MUC12: variants seen among roughly 807,000 people sequenced by gnomAD.
MUC12 encodes the protein mucin-12.
MUC12 carries 172 observed loss-of-function variants against 230.8 expected under a neutral mutation model. The ratio of observed to expected loss-of-function variants is 0.75; its 90% CI spans 0.66 to 0.85. The LOEUF is 0.85. Among genes scored for constraint, MUC12 ranks in the 40% least tolerant of loss-of-function variants. The pLI is 0.00. For synonymous variants in MUC12, 1,259 were observed against 2,401.9 expected (o/e 0.52, Z 13.91); for missense variants, 3,506 against 5,920.6 (o/e 0.59, Z 13.38).
chr7:100,987,767 G>A (rs1793216724), intron 1 of MUC12, among the ~76,000 whole-genome samples: 1 of 152,114 alleles, frequency 6.6e-6, no homozygotes, highest in Admixed American at 6.5e-5. Flanking sequence ...GAGGTCAGGA[G>A]TTTGAGACCA....
intron 3 of MUC12, among the ~76,000 whole-genome samples, chr7:101,007,613 T>C (rs985059486): frequency 1.2e-4 from 18 of 152,222 alleles, no homozygotes; most frequent in African/African-American, 2.7e-4. Context: ...TAGTACTCCA[T>C]TGTGTATATG....
intron 1 of MUC12, among the ~76,000 whole-genome samples, chr7:100,971,575 A>G (rs1792899251): frequency 6.6e-6 from 1 of 152,300 alleles, no homozygotes; most frequent in South Asian, 2.1e-4. Flanking sequence ...CCACCCGGAC[A>G]TGTTGGGAGA....
Position 100,992,254 on chromosome 7 carries a change from C to T in MUC12, c.1691C>T (p.Ser564Phe), listed in dbSNP as rs35240454. The T allele has an allele frequency of 0.13, 192,676 of 1,509,202 alleles. 14,993 individuals carry two copies. The highest frequency in any genetic ancestry group is 0.2 in the African/African-American group (14,523 of 72,510). 93.5% of individuals were successfully genotyped at this position (1,509,202 alleles called of 1,614,324 possible). A position where few individuals can be genotyped will look rare whatever the true frequency, so the allele number is the denominator to read the frequency against. ...SSPGPTDTTL[S>F]PGSTTASSLG... ...CCAGGCCCCACAGACACAACATTGT[C>T]CCCTGGCAGTACCACAGCATCATCC... Residue 564 changes from serine (S) to phenylalanine (F), a missense_variant, in exon 2 of 12, where the codon TCC (serine) becomes TTC (phenylalanine). Transcript: ENST00000536621.
intron 11 of MUC12, among the ~76,000 whole-genome samples, 154 bp from the exon 12 acceptor site, chr7:101,018,441 A>AGGG (rs1793990332): frequency 2.2e-4 from 1 of 4,634 alleles, no homozygotes; most frequent in African/African-American, 1.0e-3. Flanking sequence ...CTCCCCCGCC[A>AGGG]CTCCCTCCTC....
intron 1 of MUC12, 123 bp from the exon 2 acceptor site, chr7:100,990,508 G>C (rs892996909): frequency 8.3e-7 from 1 of 1,208,016 alleles, no homozygotes; most frequent in East Asian, 2.6e-5. Flanking sequence ...AGGGAAACTT[G>C]AGTTTCAATA....
intron 2 of MUC12, among the ~76,000 whole-genome samples, chr7:101,006,091 C>T (rs1793745357): frequency 6.6e-6 from 1 of 152,184 alleles, no homozygotes; most frequent in African/African-American, 2.4e-5. Flanking sequence ...AGCCACCGCG[C>T]CGGGCCTCCT....
rs751381389 is a variant in MUC12 at position 101,006,512 on chromosome 7, G to A, written c.14998G>A (p.Val5000Ile). 28 of 1,537,072 alleles carry A rather than the reference G, an allele frequency of 1.8e-5. No homozygotes were observed. The highest frequency in any genetic ancestry group is 6.8e-5 in the African/African-American group (5 of 73,014). ...EGQIWNGKQC[V>I]CPQGYVGYQC... ...ACAAATTTGGAATGGAAAACAATGC[G>A]TCTGTCCCCAAGGCTACGTTGGTTA... Residue 5000 changes from valine (V) to isoleucine (I), a missense_variant, in exon 3 of 12, where the codon GTC becomes ATC. Coordinates refer to ENST00000536621, the MANE Select transcript of MUC12 (RefSeq NM_001164462.2).
chr7:100,970,003 A>T (rs1792825469), intron 1 of MUC12, among the ~76,000 whole-genome samples: 1 of 152,308 alleles, frequency 6.6e-6, no homozygotes. Context: ...TGTCACATAG[A>T]CAGTCATCTC....
In MUC12 at chr7:100,990,829, G is replaced by C. The variant is rs776213722; in HGVS notation, c.266G>C (p.Gly89Ala). Residue 89 changes from glycine (G) to alanine (A), a missense_variant, in exon 2 of 12, where the codon GGT becomes GCT. Physicochemically the swap from Gly to Ala is moderately conservative, Grantham distance 60 (BLOSUM62 0). Transcript: ENST00000536621. ...TCAACAGTATCCCACAGCGGCCCAG[G>C]TGCAACTGGAACAACACTCTTCCCT... Reference protein sequence around the residue: ...EESTVSHSGPGATGTTLFPSH... With the variant: ...EESTVSHSGPAATGTTLFPSH... The C allele has an allele frequency of 6.5e-7, 1 of 1,537,624 alleles. No individual in the cohort carries two copies. Among genetic ancestry groups the C allele is most frequent in the South Asian group, 1.2e-5 (1 of 84,066 alleles).
chr7:100,993,807 T>G lies in MUC12; in HGVS notation c.3244T>G (p.Ser1082Ala), dbSNP rs1584833740. ...TACAACCTCACGCATCAGTCCAGGC[T>G]CAACTGAAATAACAACGTTACCTGG... ...ESTTSRISPG[S>A]TEITTLPGST... The change falls in exon 2 of 12, where the codon TCA becomes GCA. Residue 1082 changes from serine (S) to alanine (A), a missense_variant. Transcript: ENST00000536621. 1 of 1,459,130 alleles carries G rather than the reference T, an allele frequency of 6.9e-7. No individual in the cohort carries two copies. Among genetic ancestry groups the G allele is most frequent in the South Asian group, 1.2e-5 (1 of 81,868 alleles). 90.4% of individuals were successfully genotyped at this position (1,459,130 alleles called of 1,614,324 possible).
At chr7:100,989,444 G>A (rs183526696) in intron 1 of MUC12, among the ~76,000 whole-genome samples, 105 of 152,014 alleles carry the variant, frequency 6.9e-4, no homozygotes, top group Admixed American at 3.7e-3. Context: ...AAATGGACAA[G>A]TATGATGTGT....
rs59529521 is a variant in MUC12, at chr7:100,977,370, C to CT, written c.67+7695dup. On this transcript the variant is annotated intron_variant, in intron 1 of 11. Coordinates refer to ENST00000536621, the MANE Select transcript of MUC12 (RefSeq NM_001164462.2). Reference sequence around the variant, plus strand: ...GAAGATCTCTCCTTGCCTTCTCTAGCTTTTTTTTTTTTTTGAGACGGAGTG... The same window carrying CT: ...GAAGATCTCTCCTTGCCTTCTCTAGCTTTTTTTTTTTTTTTGAGACGGAGTG... 2.8e-3 allele frequency among the ~76,000 whole-genome samples: 402 copies of CT among 144,234 alleles called. 1 individual carries two copies. The highest frequency in any genetic ancestry group is 3.9e-3 in the Non-Finnish European group (257 of 65,734). The allele number at this position is 144,234 out of a possible 152,430, so 94.6% of individuals were successfully genotyped here.
intron 1 of MUC12, among the ~76,000 whole-genome samples, chr7:100,986,566 A>T (rs138919710): frequency 6.6e-6 from 1 of 152,294 alleles, no homozygotes; most frequent in African/African-American, 2.4e-5. Context: ...CAATGATTTG[A>T]TAGTGCTCTG....
chr7:101,015,509 G>C (rs980602070), intron 9 of MUC12, 106 bp from the exon 10 acceptor site: 4 of 864,870 alleles, frequency 4.6e-6, no homozygotes, highest in African/African-American at 3.4e-5. Context: ...TCTCTGACTC[G>C]GGGTGTGGCT....
At chr7:100,979,807 A>G (rs1231959792) in intron 1 of MUC12, among the ~76,000 whole-genome samples, 2 of 151,144 alleles carry the variant, frequency 1.3e-5, no homozygotes, top group Non-Finnish European at 3.0e-5. Context: ...AATAACATGT[A>G]TATATATATA....
chr7:100,971,735 G>A (rs896947485), intron 1 of MUC12, among the ~76,000 whole-genome samples: 15 of 152,308 alleles, frequency 9.8e-5, no homozygotes, highest in African/African-American at 1.4e-4. Context: ...GCCTGGATGG[G>A]TCTTAGGAGG....
rs1793472573 is a variant in MUC12 at position 100,995,846 on chromosome 7, A to C, written c.5283A>C (p.Thr1761=). 6.9e-7 allele frequency: 1 copy of C among 1,455,732 alleles called. No homozygotes were observed. The highest frequency in any genetic ancestry group is 1.6e-5 in the African/African-American group (1 of 63,542). 90.2% of individuals were successfully genotyped at this position (1,455,732 alleles called of 1,614,324 possible). ...CAACACCCTCGCCTGCCCGCTCCAC[A>C]ACCTCAGGCCTCGTTGAAGAATCTA... ...TATTPSPARS[T]TSGLVEESTA... Residue 1761 remains threonine (T), a synonymous_variant, in exon 2 of 12, where the codon ACA becomes ACC. Coordinates refer to ENST00000536621, the MANE Select transcript of MUC12 (RefSeq NM_001164462.2).
In MUC12 at chr7:101,004,416, C is replaced by T; in HGVS notation, c.13853C>T (p.Pro4618Leu). The change falls in exon 2 of 12, where the codon CCT (proline) becomes CTT (leucine). Residue 4618 changes from proline (P) to leucine (L), a missense_variant. By Grantham distance (98) the Pro-to-Leu change is moderately conservative. Coordinates refer to ENST00000536621, the MANE Select transcript of MUC12 (RefSeq NM_001164462.2). ...GGCTCAACTCAAACAATGCACTTCC[C>T]TGAAAGCTCCACAGCTTCAGGTCGT... ...SPGSTQTMHF[P>L]ESSTASGRSE... The T allele has an allele frequency of 6.6e-7, 1 of 1,513,332 alleles. No individual in the cohort carries two copies. The highest frequency in any genetic ancestry group is 8.8e-7 in the Non-Finnish European group (1 of 1,139,192). The allele number at this position is 1,513,332 out of a possible 1,614,324, so 93.7% of individuals were successfully genotyped here.
Position 101,004,350 on chromosome 7 carries a change from C to T in MUC12, c.13787C>T (p.Ser4596Leu), listed in dbSNP as rs1291081277. The T allele has an allele frequency of 2.2e-6, 3 of 1,382,124 alleles. No individual in the cohort carries two copies. The South Asian group carries it at 4.0e-5, about 18-fold the overall frequency. The allele number at this position is 1,382,124 out of a possible 1,614,324, so 85.6% of individuals were successfully genotyped here. Residue 4596 changes from serine to leucine, a missense_variant, in exon 2 of 12, where the codon TCA becomes TTA. Coordinates refer to ENST00000536621, the MANE Select transcript of MUC12 (RefSeq NM_001164462.2). ...TTPSPARSTTSGLVEESTAYH... is the reference protein window; with the variant it reads ...TTPSPARSTTLGLVEESTAYH... ...CCCTCGCCTGCCCGCTCCACAACCT[C>T]AGGCCTCGTTGAAGAATCTACGGCG...
Sources: gnomAD v4.1 joint callset for allele counts (sites outside exome capture counted in the v4.1 genomes callset) on GRCh38, gnomAD v4.1.1 for gene constraint, MANE v1.5 for transcripts, NCBI Gene and HGNC (gene_info 2026-07-23, HGNC 2026-07-21) for gene names.